DTNA: variants seen among roughly 807,000 people sequenced by gnomAD.
DTNA encodes the protein dystrobrevin alpha, also known as dystrophin-related protein 3.
In DTNA, 43 loss-of-function variants were observed where a neutral mutation model predicts 100.7. The ratio of observed to expected loss-of-function variants is 0.43; its 90% CI spans 0.33 to 0.55. DTNA has a LOEUF of 0.55. Among genes scored for constraint, DTNA ranks in the 20% least tolerant of loss-of-function variants. The probability of loss-of-function intolerance (pLI) is 0.04; values close to 1 mark genes in which losing one functional copy is unlikely to be tolerated. For missense variants in DTNA, 798 were observed against 953.9 expected, an observed-to-expected ratio of 0.84 and a Z score of 2.15; for synonymous variants, 349 against 347.9, an observed-to-expected ratio of 1.00 and a Z score of -0.04.
Position 34,748,928 on chromosome 18 carries a change from T to G in DTNA, c.-1-7048T>G, listed in dbSNP as rs762085325. On this transcript the variant is annotated intron_variant, in intron 1 of 22. Transcript: ENST00000444659. The stretch of plus-strand genomic sequence containing the variant: ...ATTTTCACAATATTGATTCTACCCA[T>G]CCATGAGCATGGGGTGTGTTTCTAT... 2.4e-4 allele frequency among the ~76,000 whole-genome samples: 36 copies of G among 152,338 alleles called. 1 individual carries two copies. The highest frequency in any genetic ancestry group is 1.5e-3 in the Admixed American group (23 of 15,298).
intron 3 of DTNA, among the ~76,000 whole-genome samples, chr18:34,775,279 G>A (rs892028008): frequency 6.6e-6 from 1 of 152,170 alleles, no homozygotes; most frequent in African/African-American, 2.4e-5. Context: ...AAGGTCAGGA[G>A]ATCGAGACGA....
chr18:34,858,505 G>A (rs572723040), intron 16 of DTNA, 107 bp downstream of exon 16: 16 of 1,134,936 alleles, frequency 1.4e-5, no homozygotes, highest in Non-Finnish European at 2.0e-5. Context: ...CTTAGCTGCT[G>A]ACATTTGTTT....
chr18:34,812,248 T>G, intron 6 of DTNA, 135 bp downstream of exon 6: 1 of 1,287,574 alleles, frequency 7.8e-7, no homozygotes, highest in Non-Finnish European at 1.1e-6. Flanking sequence ...TTTCAGCCTC[T>G]GGCAAATGAC....
intron 1 of DTNA, among the ~76,000 whole-genome samples, chr18:34,607,715 G>C (rs1054300516): frequency 6.6e-6 from 1 of 152,116 alleles, no homozygotes; most frequent in Non-Finnish European, 1.5e-5. Flanking sequence ...TTCTTCTCAT[G>C]ACCTCTTGAC....
chr18:34,732,420 T>G (rs2088508722), intron 1 of DTNA, among the ~76,000 whole-genome samples: 1 of 152,232 alleles, frequency 6.6e-6, no homozygotes, highest in Non-Finnish European at 1.5e-5. Context: ...ACACTGGATT[T>G]GCAGTCACCT....
At chr18:34,802,765 T>G (rs1439459367) in intron 4 of DTNA, among the ~76,000 whole-genome samples, 1 of 152,206 alleles carries the variant, frequency 6.6e-6, no homozygotes, top group Non-Finnish European at 1.5e-5. Context: ...AAACATAATT[T>G]TTTTGTTAGA....
chr18:34,849,809 CG>C (rs1309014820), intron 14 of DTNA, among the ~76,000 whole-genome samples: 2 of 152,250 alleles, frequency 1.3e-5, no homozygotes, highest in African/African-American at 2.4e-5. Context: ...TCTGCTGCTT[CG>C]GACAGGGCAA....
intron 1 of DTNA, among the ~76,000 whole-genome samples, chr18:34,525,867 G>T (rs1216029744): frequency 6.6e-6 from 1 of 152,156 alleles, no homozygotes; most frequent in East Asian, 1.9e-4. Context: ...TCTCATTCAT[G>T]TATTTACCCT....
At position 34,831,426 on chromosome 18, in the gene DTNA, A is replaced by T. The variant is rs1308971661; in HGVS notation, c.1175+1937A>T. Among the ~76,000 whole-genome samples the T allele has an allele frequency of 6.1e-4, 93 of 152,340 alleles. 1 individual carries two copies. Among genetic ancestry groups the T allele is most frequent in the Non-Finnish European group, 5.9e-5 (4 of 68,034 alleles). On this transcript the variant is annotated intron_variant, in intron 11 of 22. Coordinates refer to ENST00000444659, the MANE Select transcript of DTNA (RefSeq NM_001386795.1). ...CATATAGCATGTTGAACACAATCTA[A>T]TGTGCTAGTTTCTGGTTTGCTGCAA...
At chr18:34,620,789 T>C (rs766644150) in intron 1 of DTNA, among the ~76,000 whole-genome samples, 1 of 152,092 alleles carries the variant, frequency 6.6e-6, no homozygotes, top group Non-Finnish European at 1.5e-5. Context: ...TATGATCCAA[T>C]CACCTCCCAC....
At chr18:34,655,544 C>T (rs1488353198) in intron 1 of DTNA, among the ~76,000 whole-genome samples, 1 of 152,192 alleles carries the variant, frequency 6.6e-6, no homozygotes, top group Non-Finnish European at 1.5e-5. Flanking sequence ...GACTATTGTG[C>T]ATTTTACCCT....
chr18:34,664,583 C>G (rs1322091801), intron 1 of DTNA, among the ~76,000 whole-genome samples: 1 of 152,058 alleles, frequency 6.6e-6, no homozygotes. Flanking sequence ...GCCTTCCAAA[C>G]TGGTGGTGTG....
At chr18:34,837,150 A>G (rs1178159232) in intron 11 of DTNA, among the ~76,000 whole-genome samples, 1 of 152,142 alleles carries the variant, frequency 6.6e-6, no homozygotes, top group Non-Finnish European at 1.5e-5. Context: ...TTATTTTTCT[A>G]TTTTCCATGA....
At position 34,872,972 on chromosome 18, in the gene DTNA, C is replaced by G. The variant is rs191130727; in HGVS notation, c.1744-2267C>G. On this transcript the variant is annotated intron_variant, in intron 17 of 22. Transcript: ENST00000444659. ...CTCTTGCTCAGAAACCTTGGGTAAT[C>G]CAGTTATCTCCTCTTAGCCTCAGTT... 3.0e-4 allele frequency among the ~76,000 whole-genome samples: 45 copies of G among 152,284 alleles called. 1 individual carries two copies. In the East Asian group the frequency reaches 8.5e-3, roughly 29 times the overall value.
At chr18:34,763,809 A>T (rs967426464) in intron 2 of DTNA, among the ~76,000 whole-genome samples, 2 of 152,204 alleles carry the variant, frequency 1.3e-5, no homozygotes, top group African/African-American at 4.8e-5. Flanking sequence ...ACTGCCATGA[A>T]TTGAAGCCCT....
intron 1 of DTNA, among the ~76,000 whole-genome samples, chr18:34,651,373 AAT>A (rs56092732): frequency 0.096 from 14,535 of 152,182 alleles, 921 homozygotes; most frequent in African/African-American, 0.18. Flanking sequence ...AATAAATGCT[AAT>A]AGTCATTACT....
chr18:34,829,615 T>C, intron 11 of DTNA, 126 bp downstream of exon 11: 1 of 978,308 alleles, frequency 1.0e-6, no homozygotes, highest in Non-Finnish European at 1.4e-6. Context: ...TCTTCTGGGG[T>C]TTAATGAAAT....
At chr18:34,796,613 CA>C (rs2094982875) in intron 4 of DTNA, among the ~76,000 whole-genome samples, 1 of 152,006 alleles carries the variant, frequency 6.6e-6, no homozygotes, top group African/African-American at 2.4e-5. Context: ...TATAAATAAA[CA>C]GGGAAAAAAT....
intron 1 of DTNA, among the ~76,000 whole-genome samples, chr18:34,611,261 G>C (rs1197353295): frequency 5.3e-5 from 8 of 152,118 alleles, no homozygotes; most frequent in Non-Finnish European, 7.3e-5. Context: ...TTATCTGTGA[G>C]TGTACATCTC....
Sources: allele counts gnomAD v4.1 joint callset (sites outside exome capture counted in the v4.1 genomes callset), GRCh38; gene constraint gnomAD v4.1.1; transcripts MANE v1.5; gene names NCBI Gene and HGNC (gene_info 2026-07-23, HGNC 2026-07-21).